SLC36A2: variants seen among roughly 807,000 people sequenced by gnomAD.
SLC36A2 encodes solute carrier family 36 member 2.
Under a neutral mutation model 42.7 loss-of-function variants are expected in SLC36A2, and 39 were observed. The ratio of observed to expected loss-of-function variants is 0.91; its 90% CI spans 0.71 to 1.19. The LOEUF (loss-of-function observed/expected upper bound fraction) is 1.19. SLC36A2 is among the 50% of genes most tolerant of loss of function. SLC36A2 has a pLI of 0.00. For missense variants in SLC36A2, 590 were observed against 613.7 expected, an observed-to-expected ratio of 0.96 and a Z score of 0.41; for synonymous variants, 237 against 240.8, an observed-to-expected ratio of 0.98 and a Z score of 0.15.
At chr5:151,327,752 T>TTCTC (rs149600041) in intron 7 of SLC36A2, among the ~76,000 whole-genome samples, 3 of 151,100 alleles carry the variant, frequency 2.0e-5, no homozygotes, top group Admixed American at 6.6e-5. Flanking sequence ...CTTCCTTTCT[T>TTCTC]TCTCTCTCTC....
rs145878933 is a variant in SLC36A2 at position 151,325,811 on chromosome 5, TGA to T, written c.844-361_844-360del. On this transcript the variant is annotated intron_variant, in intron 7 of 9. Coordinates refer to ENST00000335244, the MANE Select transcript of SLC36A2 (RefSeq NM_181776.3). ...CAAGGACTGCCTGATTCTACTTATA[TGA>T]GGTACCTGGAGTAGGTAGGTCCAAA... is the stretch of plus-strand genomic sequence containing the variant. 3.7e-3 allele frequency among the ~76,000 whole-genome samples: 568 copies of T among 152,290 alleles called. 7 individuals carry two copies. The highest frequency in any genetic ancestry group is 0.013 in the African/African-American group (532 of 41,554).
chr5:151,332,356 A>C, intron 7 of SLC36A2: 1 of 454,028 alleles, frequency 2.2e-6, no homozygotes, highest in South Asian at 1.6e-5. Context: ...TGTTTCTCCA[A>C]AGAAGATGTG....
rs1476139400 is a variant in SLC36A2 at position 151,316,871 on chromosome 5, C to T, written c.1398G>A (p.Leu466=). The change falls in exon 10 of 10, where the codon CTG becomes CTA. Residue 466 remains leucine (L), a synonymous_variant. Transcript: ENST00000335244. ...VVGTYQALDE[L]LKSEDSHPFS... is the part of the protein sequence containing the mutation. Reference sequence around the variant, plus strand: ...AGGGGTGAGAGTCTTCTGACTTGAGCAGCTCGTCCAGGGCCTGGTAGGTCC... The same window carrying T: ...AGGGGTGAGAGTCTTCTGACTTGAGTAGCTCGTCCAGGGCCTGGTAGGTCC... 4 of 1,613,860 alleles carry T rather than the reference C, an allele frequency of 2.5e-6. No homozygotes were observed. The East Asian group carries it at 8.9e-5, about 36-fold the overall frequency.
intron 9 of SLC36A2, among the ~76,000 whole-genome samples, chr5:151,320,308 C>G (rs1338372355): frequency 1.3e-5 from 2 of 150,618 alleles, no homozygotes; most frequent in African/African-American, 4.9e-5. Flanking sequence ...TTCTCTGAAT[C>G]AAAATTACTA....
At chr5:151,326,812 C>CTTTTTTTTT (rs5872202) in intron 7 of SLC36A2, among the ~76,000 whole-genome samples, 7 of 142,282 alleles carry the variant, frequency 4.9e-5, no homozygotes, top group Non-Finnish European at 6.0e-5. Context: ...ATGAATTTAC[C>CTTTTTTTTT]TTTTTTTTTT....
At chr5:151,346,292 G>C (rs146567407) in intron 1 of SLC36A2, among the ~76,000 whole-genome samples, 1 of 152,186 alleles carries the variant, frequency 6.6e-6, no homozygotes, top group Non-Finnish European at 1.5e-5. Flanking sequence ...GCCCTGGGGC[G>C]ACAGCACAGG....
chr5:151,336,459 C>CTTT (rs769643262), intron 5 of SLC36A2, among the ~76,000 whole-genome samples: 25 of 113,180 alleles, frequency 2.2e-4, no homozygotes, highest in East Asian at 7.9e-4. Flanking sequence ...TTCCCTCAAT[C>CTTT]TTTTTTTTTT....
chr5:151,336,530 C>A (rs183092707), intron 5 of SLC36A2, among the ~76,000 whole-genome samples: 2 of 143,400 alleles, frequency 1.4e-5, no homozygotes, highest in Admixed American at 1.5e-4. Context: ...TTAACATATA[C>A]GCTTACTGAT....
chr5:151,346,087 C>A (rs1756486087), intron 1 of SLC36A2, among the ~76,000 whole-genome samples: 1 of 152,230 alleles, frequency 6.6e-6, no homozygotes, highest in African/African-American at 2.4e-5. Context: ...CTCCCTTTAG[C>A]TCTCACTTGC....
chr5:151,335,437 C>G lies in SLC36A2; in HGVS notation c.636G>C (p.Leu212=). The change falls in exon 6 of 10, where the codon CTG becomes CTC. Residue 212 remains leucine (L), a synonymous_variant. Coordinates refer to ENST00000335244, the MANE Select transcript of SLC36A2 (RefSeq NM_181776.3). ...GGTTCCGGATGAGGACCAGCAGCAC[C>G]AGGAAGGGCAGGAAGGAGAGCATGT... ...RLYMLSFLPF[L]VLLVLIRNLR... The G allele has an allele frequency of 6.2e-7, 1 of 1,614,016 alleles. No individual in the cohort carries two copies. Among genetic ancestry groups the G allele is most frequent in the South Asian group, 1.1e-5 (1 of 91,072 alleles).
chr5:151,328,350 G>T (rs1269699869), intron 7 of SLC36A2, among the ~76,000 whole-genome samples: 3 of 152,216 alleles, frequency 2.0e-5, no homozygotes, highest in African/African-American at 7.2e-5. Context: ...GACTGTCATG[G>T]TGGTGAGTTT....
rs994502822 is a variant in SLC36A2, at chr5:151,343,193, G to A, written c.345-210C>T. On this transcript the variant is annotated intron_variant, in intron 3 of 9. Transcript: ENST00000335244. ...ATGAGGCGGAGACTACACAGCAAGA[G>A]TCTAATGCACACCTTGCACGGGGAC... Among the ~76,000 whole-genome samples, 44 of 152,176 alleles carry A rather than the reference G, an allele frequency of 2.9e-4. 1 individual carries two copies. Among genetic ancestry groups the A allele is most frequent in the Non-Finnish European group, 1.2e-4 (8 of 68,040 alleles).
chr5:151,338,981 A>C (rs1292497358), intron 5 of SLC36A2, 79 bp downstream of exon 5: 1 of 1,045,994 alleles, frequency 9.6e-7, no homozygotes, highest in Admixed American at 1.7e-5. Context: ...ACCAGAGAGA[A>C]GAAGCAGTTT....
rs375216847 is a variant in SLC36A2 at position 151,344,189 on chromosome 5, G to A, written c.243C>T (p.Asn81=). 25 of 1,613,986 alleles carry A rather than the reference G, an allele frequency of 1.5e-5. No individual in the cohort carries two copies. Among genetic ancestry groups the A allele is most frequent in the South Asian group, 3.3e-5 (3 of 91,038 alleles). ...GCGCCTCTCTTACCAGGATGCCCGC[G>A]TTCTTCACAGCGAGGGGTAGTCCCA... ...GILGLPLAVK[N]AGILMGPLSL... The change falls in exon 2 of 10, where the codon AAC becomes AAT. Residue 81 remains asparagine (N), a synonymous_variant. Transcript: ENST00000335244.
At chr5:151,331,873 CT>C (rs1343228690) in intron 7 of SLC36A2, among the ~76,000 whole-genome samples, 2 of 149,346 alleles carry the variant, frequency 1.3e-5, no homozygotes, top group African/African-American at 2.5e-5. Flanking sequence ...TCCCATCTCT[CT>C]TTTTTTTTAT....
In SLC36A2 at chr5:151,325,371, G is replaced by A. The variant is rs1202154529; in HGVS notation, c.925C>T (p.Leu309=). Residue 309 remains leucine (L), a synonymous_variant, in exon 8 of 10, where the codon CTA becomes TTA. Transcript: ENST00000335244. ...LSLGMSIVTS[L]YIGMAALGYL... ...CCCAGAGCCGCCATGCCAATGTATA[G>A]GGAAGTGACGATGGACATTCCCAAA... The A allele has an allele frequency of 2.5e-6, 4 of 1,614,016 alleles. No homozygotes were observed. The highest frequency in any genetic ancestry group is 2.7e-5 in the African/African-American group (2 of 74,920).
At position 151,339,845 on chromosome 5, in the gene SLC36A2, A is replaced by C. The variant is rs75683633; in HGVS notation, c.441-701T>G. On this transcript the variant is annotated intron_variant, in intron 4 of 9. Transcript: ENST00000335244. The stretch of plus-strand genomic sequence containing the variant: ...TGTTGGGCACTGAGAATACACAGAC[A>C]AATAACATACAGTCCCTTCCTCTTG... Among the ~76,000 whole-genome samples the C allele has an allele frequency of 3.7e-3, 571 of 152,308 alleles. 7 individuals are homozygous for C. Among genetic ancestry groups the C allele is most frequent in the African/African-American group, 0.013 (535 of 41,556 alleles).
intron 7 of SLC36A2, among the ~76,000 whole-genome samples, chr5:151,326,976 C>T (rs1755871073): frequency 6.6e-6 from 1 of 151,994 alleles, no homozygotes; most frequent in Non-Finnish European, 1.5e-5. Context: ...CCATGCCCGG[C>T]TGATTTTTGT....
At chr5:151,343,904 AG>A (rs1330506917) in intron 2 of SLC36A2, among the ~76,000 whole-genome samples, 1 of 152,174 alleles carries the variant, frequency 6.6e-6, no homozygotes, top group Non-Finnish European at 1.5e-5. Context: ...GGTGTTCTAT[AG>A]AGCATACTTG....
Sources: gnomAD v4.1 joint callset for allele counts (sites outside exome capture counted in the v4.1 genomes callset) on GRCh38, gnomAD v4.1.1 for gene constraint, MANE v1.5 for transcripts, NCBI Gene and HGNC (gene_info 2026-07-23, HGNC 2026-07-21) for gene names.